DMTF1: variants seen among roughly 807,000 people sequenced by gnomAD.
The protein encoded by DMTF1 is cyclin D binding myb like transcription factor 1.
A neutral mutation model predicts 91.1 loss-of-function variants in DMTF1; 39 were observed. That is an observed-to-expected ratio of 0.43 (90% confidence interval 0.33 to 0.56). The LOEUF (loss-of-function observed/expected upper bound fraction) is 0.56, where lower values mean the gene tolerates loss of function less well. Among genes scored for constraint, DMTF1 ranks in the 20% least tolerant of loss-of-function variants. The pLI, the probability that DMTF1 is intolerant of heterozygous loss-of-function variation, is 0.05. For synonymous variants in DMTF1, 338 were observed against 309.5 expected (o/e 1.09, Z -0.97); for missense variants, 750 against 914.5 (o/e 0.82, Z 2.32).
intron 1 of DMTF1, among the ~76,000 whole-genome samples, chr7:87,161,022 A>G (rs1584209544): frequency 6.6e-6 from 1 of 152,100 alleles, no homozygotes; most frequent in East Asian, 1.9e-4. Context: ...CTTCATTTAG[A>G]TACCTTATAT....
chr7:87,180,735 C>CAAATGTA (rs1250147152), intron 8 of DMTF1, among the ~76,000 whole-genome samples: 3 of 150,842 alleles, frequency 2.0e-5, no homozygotes, highest in Non-Finnish European at 2.9e-5. Flanking sequence ...AGCATAGGAG[C>CAAATGTA]AAATGTATGT....
chr7:87,179,550 C>T lies in DMTF1; in HGVS notation c.525C>T (p.Arg175=), dbSNP rs537780294. 30 of 1,517,356 alleles carry T rather than the reference C, an allele frequency of 2.0e-5. No individual in the cohort carries two copies. The highest frequency in any genetic ancestry group is 8.6e-5 in the African/African-American group (6 of 69,512). The allele number at this position is 1,517,356 out of a possible 1,614,324, so 94.0% of individuals were successfully genotyped here. The change falls in exon 8 of 18, where the codon CGC becomes CGT. Residue 175 remains arginine, a synonymous_variant. Transcript: ENST00000331242. ...AAGAAATGTAACCCATTTAGGCACG[C>T]GGAATAAAAGATGCTACAGAAATCA... ...MNNIERYLKA[R]GIKDATEIIF...
At chr7:87,193,131 C>T in intron 14 of DMTF1, 67 bp from the exon 15 acceptor site, 1 of 1,553,376 alleles carries the variant, frequency 6.4e-7, no homozygotes, top group Non-Finnish European at 8.8e-7. Context: ...GTAAACTAAA[C>T]TCAGTCCGTT....
Position 87,171,068 on chromosome 7 carries a change from G to T in DMTF1, c.306G>T (p.Glu102Asp). 1 of 1,609,764 alleles carries T rather than the reference G, an allele frequency of 6.2e-7. No individual in the cohort carries two copies. The highest frequency in any genetic ancestry group is 8.5e-7 in the Non-Finnish European group (1 of 1,176,292). ...TTEVADDEVT[E>D]GTVTQIQILQ... ...AAGTAGCAGATGATGAGGTTACTGA[G>T]GGGACTGTGACACAGATACAGGTAT... The change falls in exon 5 of 18, where the codon GAG (glutamate) becomes GAT (aspartate). Residue 102 changes from glutamate to aspartate, a missense_variant. Coordinates refer to ENST00000331242, the MANE Select transcript of DMTF1 (RefSeq NM_001142327.2).
At chr7:87,182,599 T>C (rs949162278) in intron 10 of DMTF1, among the ~76,000 whole-genome samples, 1 of 152,244 alleles carries the variant, frequency 6.6e-6, no homozygotes, top group Non-Finnish European at 1.5e-5. Context: ...TGTTTCAGTT[T>C]TGTAACAATT....
At chr7:87,174,508 T>C (rs1795826925) in intron 6 of DMTF1, 85 bp from the exon 7 acceptor site, 1 of 915,148 alleles carries the variant, frequency 1.1e-6, no homozygotes, top group African/African-American at 1.7e-5. Context: ...TCCCCAAATA[T>C]AATTTAATCA....
chr7:87,190,370 G>A (rs964030578), intron 13 of DMTF1, among the ~76,000 whole-genome samples: 1 of 151,874 alleles, frequency 6.6e-6, no homozygotes, highest in African/African-American at 2.4e-5. Flanking sequence ...ATACTGCTAG[G>A]AAGTGATTAA....
At chr7:87,176,246 C>A (rs1398498547) in intron 7 of DMTF1, among the ~76,000 whole-genome samples, 1 of 152,184 alleles carries the variant, frequency 6.6e-6, no homozygotes, top group Admixed American at 6.5e-5. Context: ...AAATGAGATC[C>A]TTCCACCATG....
At chr7:87,186,063 C>A in intron 12 of DMTF1, 83 bp downstream of exon 12, 2 of 1,462,424 alleles carry the variant, frequency 1.4e-6, no homozygotes, top group Non-Finnish European at 1.9e-6. Context: ...AAGTTCTTTG[C>A]CCCAGCTAGA....
chr7:87,194,054 TAAAC>T lies in DMTF1; in HGVS notation c.1983_1986del (p.Gln662ArgfsTer7). Reference sequence around the variant, plus strand: ...AAGAAGAAATCTCTGACACCGACCTTAAACAAGAGGAATCACCCTCTGATTTAGC... The same window carrying T: ...AAGAAGAAATCTCTGACACCGACCTTAAGAGGAATCACCCTCTGATTTAGC... On this transcript the variant is annotated frameshift_variant, in exon 16 of 18. Coordinates refer to ENST00000331242, the MANE Select transcript of DMTF1 (RefSeq NM_001142327.2). LOFTEE classifies it high-confidence loss of function. 6.2e-7 allele frequency: 1 copy of T among 1,610,942 alleles called. No individual in the cohort carries two copies. Among genetic ancestry groups the T allele is most frequent in the Non-Finnish European group, 8.5e-7 (1 of 1,178,636 alleles).
At chr7:87,157,790 T>C (rs999350024) in intron 1 of DMTF1, among the ~76,000 whole-genome samples, 9 of 152,046 alleles carry the variant, frequency 5.9e-5, no homozygotes, top group Admixed American at 5.9e-4. Context: ...GGTTATATTA[T>C]AATGAAGACA....
intron 17 of DMTF1, 43 bp from the exon 18 acceptor site, chr7:87,194,988 G>A (rs1389096088): frequency 6.5e-7 from 1 of 1,529,804 alleles, no homozygotes; most frequent in Admixed American, 1.8e-5. Flanking sequence ...ATGGATTAGA[G>A]AATAAATATA....
At chr7:87,182,899 C>G (rs949583523) in intron 10 of DMTF1, among the ~76,000 whole-genome samples, 2 of 152,156 alleles carry the variant, frequency 1.3e-5, no homozygotes, top group Non-Finnish European at 2.9e-5. Flanking sequence ...TGCAGATGTC[C>G]TGATCATACT....
At chr7:87,161,740 TATC>T (rs1333417259) in intron 1 of DMTF1, among the ~76,000 whole-genome samples, 2 of 152,226 alleles carry the variant, frequency 1.3e-5, no homozygotes, top group South Asian at 2.1e-4. Context: ...CCTGAAATGA[TATC>T]ATTAAAATGT....
chr7:87,162,395 T>C (rs1792683593), intron 1 of DMTF1, among the ~76,000 whole-genome samples: 1 of 152,210 alleles, frequency 6.6e-6, no homozygotes, highest in Non-Finnish European at 1.5e-5. Context: ...TTTTGTTAGA[T>C]GCCTACCTTG....
chr7:87,160,219 T>G (rs1791904172), intron 1 of DMTF1, among the ~76,000 whole-genome samples: 1 of 152,124 alleles, frequency 6.6e-6, no homozygotes, highest in Admixed American at 6.5e-5. Flanking sequence ...CACTTGGTCC[T>G]TTTGTTCTAA....
chr7:87,164,143 A>G (rs1315509202), intron 2 of DMTF1: 1 of 152,060 alleles, frequency 6.6e-6, no homozygotes, highest in Non-Finnish European at 1.5e-5. Flanking sequence ...TTGGTAAAAC[A>G]TACGTGCCAA....
At chr7:87,167,747 G>A (rs1172700162) in intron 4 of DMTF1, among the ~76,000 whole-genome samples, 4 of 152,154 alleles carry the variant, frequency 2.6e-5, no homozygotes, top group African/African-American at 9.6e-5. Flanking sequence ...TTAAATATTC[G>A]TTCCTCCTGA....
chr7:87,194,318 T>G, intron 16 of DMTF1: 1 of 528,650 alleles, frequency 1.9e-6, no homozygotes, highest in South Asian at 3.0e-5. Flanking sequence ...AGTTCCTCAC[T>G]AAAACTTTTT....
Sources: gnomAD v4.1 joint callset for allele counts (sites outside exome capture counted in the v4.1 genomes callset) on GRCh38, gnomAD v4.1.1 for gene constraint, MANE v1.5 for transcripts, NCBI Gene and HGNC (gene_info 2026-07-23, HGNC 2026-07-21) for gene names.